MYH14: variants seen among roughly 807,000 people sequenced by gnomAD.
MYH14 encodes the protein myosin-14.
Under a neutral mutation model 255.5 loss-of-function variants are expected in MYH14, and 123 were observed. The observed-to-expected ratio is 0.48, with a 90% CI of 0.42 to 0.56. MYH14 has a LOEUF of 0.56. Ranked by LOEUF, MYH14 falls within the 20% of genes least tolerant of loss-of-function variation. MYH14 has a pLI of 0.00. For synonymous variants in MYH14, 1,095 were observed against 1,161.2 expected (o/e 0.94, Z 1.16); for missense variants, 2,423 against 2,802.3 (o/e 0.86, Z 3.06).
chr19:50,254,949 G>T (rs2034538367), intron 16 of MYH14, among the ~76,000 whole-genome samples: 1 of 152,212 alleles, frequency 6.6e-6, no homozygotes, highest in Non-Finnish European at 1.5e-5. Flanking sequence ...CCTCTAGAGG[G>T]AGAGATTTTT....
chr19:50,244,349 G>T lies in MYH14; in HGVS notation c.1210+12G>T. The stretch of plus-strand genomic sequence containing the variant: ...GCCTGACAACACAGGTACTGCCCCC[G>T]GCCTGCCTGCCCACGACCTCCAGCC... On this transcript the variant is annotated intron_variant, in intron 11 of 42. Coordinates refer to ENST00000642316, the MANE Select transcript of MYH14 (RefSeq NM_001145809.2). The T allele has an allele frequency of 1.9e-6, 3 of 1,611,658 alleles. No homozygotes were observed. The highest frequency in any genetic ancestry group is 2.5e-6 in the Non-Finnish European group (3 of 1,179,108).
chr19:50,236,601 G>A (rs1242889975), intron 10 of MYH14, among the ~76,000 whole-genome samples: 2 of 151,860 alleles, frequency 1.3e-5, no homozygotes, highest in Admixed American at 1.3e-4. Context: ...CCAGCTACTC[G>A]GGAGGTTGAG....
At position 50,286,709 on chromosome 19, in the gene MYH14, C is replaced by T. The variant is rs745696035; in HGVS notation, c.4752+15C>T. The T allele has an allele frequency of 1.2e-5, 19 of 1,558,182 alleles. No individual in the cohort carries two copies. The highest frequency in any genetic ancestry group is 1.4e-5 in the Non-Finnish European group (16 of 1,151,994). On this transcript the variant is annotated intron_variant, in intron 34 of 42. Transcript: ENST00000642316. The stretch of plus-strand genomic sequence containing the variant: ...TCGGCAAGAGCGTGAGCAGGGCCCC[C>T]GCTCCCCGGGACACACTGGGTGAGG...
Position 50,244,468 on chromosome 19 carries a change from T to C in MYH14, c.1210+131T>C, listed in dbSNP as rs1187566950. The C allele has an allele frequency of 1.4e-5, 9 of 664,948 alleles. No homozygotes were observed. The African/African-American group carries it at 1.7e-4, about 13-fold the overall frequency. 41.2% of individuals were successfully genotyped at this position (664,948 alleles called of 1,614,324 possible). ...ACCTGTCTCCAACCCAGGATCACTC[T>C]GATTTCCTGCATTTTTTTTTTTTTT... On this transcript the variant is annotated intron_variant, in intron 11 of 42. Transcript: ENST00000642316.
At chr19:50,272,053 C>T in intron 26 of MYH14, 81 bp downstream of exon 26, 1 of 1,540,554 alleles carries the variant, frequency 6.5e-7, no homozygotes, top group East Asian at 2.4e-5. Flanking sequence ...TACAGGGCCT[C>T]AGTGGCTGTG....
chr19:50,249,336 C>T, intron 13 of MYH14, 197 bp downstream of exon 13: 1 of 654,712 alleles, frequency 1.5e-6, no homozygotes, highest in Non-Finnish European at 2.5e-6. Flanking sequence ...GTCCCCTTCT[C>T]TCTCTGGGTC....
At chr19:50,229,892 CAACTCATCCAGGGTCG>C (rs1440193214) in intron 8 of MYH14, among the ~76,000 whole-genome samples, 1 of 152,092 alleles carries the variant, frequency 6.6e-6, no homozygotes, top group Non-Finnish European at 1.5e-5. Flanking sequence ...ATCTTCACAG[CAACTCATCCAGGGTCG>C]ATGAGGTTTC....
chr19:50,249,419 C>T, intron 13 of MYH14: 1 of 628,400 alleles, frequency 1.6e-6, no homozygotes, highest in Admixed American at 2.9e-5. Context: ...CATCTCTGTC[C>T]CCTGTCTCTG....
chr19:50,269,731 T>G (rs2035225574), intron 24 of MYH14, among the ~76,000 whole-genome samples: 1 of 152,156 alleles, frequency 6.6e-6, no homozygotes, highest in South Asian at 2.1e-4. Flanking sequence ...GTGTTTGGTT[T>G]GTTTCAGTAA....
chr19:50,291,184 TA>T, intron 36 of MYH14, 136 bp downstream of exon 36: 1 of 647,820 alleles, frequency 1.5e-6, no homozygotes, highest in East Asian at 3.3e-5. Context: ...AGCACCTTTA[TA>T]AACATCCATG....
chr19:50,287,426 T>C (rs1455429795), intron 34 of MYH14, among the ~76,000 whole-genome samples: 1 of 152,244 alleles, frequency 6.6e-6, no homozygotes, highest in African/African-American at 2.4e-5. Flanking sequence ...TTTTGTTTTA[T>C]TTTTGAGATA....
rs779829900 is a variant in MYH14, at chr19:50,230,632, C to T, written c.973+9C>T. On this transcript the variant is annotated intron_variant, in intron 9 of 42. Coordinates refer to ENST00000642316, the MANE Select transcript of MYH14 (RefSeq NM_001145809.2). The surrounding 1 kb of genome is among the most constrained non-coding windows in gnomAD (Gnocchi z 4.7). The stretch of plus-strand genomic sequence containing the variant: ...TGGAGAGCAGCTCAAAGGTCAGTGC[C>T]GCCCCGTCCTACCCTGCTCACCCGG... 6 of 1,555,260 alleles carry T rather than the reference C, an allele frequency of 3.9e-6. No homozygotes were observed. The highest frequency in any genetic ancestry group is 2.6e-6 in the Non-Finnish European group (3 of 1,149,394).
intron 39 of MYH14, among the ~76,000 whole-genome samples, chr19:50,295,975 A>G (rs6509462): frequency 0.67 from 101,995 of 151,800 alleles, 36,511 homozygotes; most frequent in East Asian, 0.99. Flanking sequence ...GCCAGGCGTG[A>G]TGGCGGGCAC....
chr19:50,204,899 T>C (rs2031646324), intron 1 of MYH14, among the ~76,000 whole-genome samples: 1 of 144,398 alleles, frequency 6.9e-6, no homozygotes, highest in African/African-American at 2.6e-5. Flanking sequence ...TGTCTCTCCC[T>C]CTTTTTTTTT....
At chr19:50,308,584 TG>T in intron 41 of MYH14, 2 of 167,518 alleles carry the variant, frequency 1.2e-5, no homozygotes, top group Non-Finnish European at 2.6e-5. Context: ...AAGAGAGAGG[TG>T]GTAGGGTCTG....
chr19:50,270,825 G>A (rs1044513582), intron 24 of MYH14, among the ~76,000 whole-genome samples: 2 of 151,950 alleles, frequency 1.3e-5, no homozygotes, highest in Admixed American at 6.5e-5. Context: ...CTCCAGAGTA[G>A]CTGGGACTAC....
In MYH14 at chr19:50,230,406, A is replaced by C; in HGVS notation, c.875-119A>C. On this transcript the variant is annotated intron_variant, in intron 8 of 42. Transcript: ENST00000642316. The surrounding 1 kb of genome is among the most constrained non-coding windows in gnomAD (Gnocchi z 4.7). The stretch of plus-strand genomic sequence containing the variant: ...GGCAAAGTCACCAGCCTGGGCTGTG[A>C]GCGACTCCACTACACCACAGGAGAG... The C allele has an allele frequency of 1.2e-6, 1 of 861,468 alleles. No individual in the cohort carries two copies. The highest frequency in any genetic ancestry group is 1.5e-5 in the South Asian group (1 of 67,082). The allele number at this position is 861,468 out of a possible 1,614,324, so 53.4% of individuals were successfully genotyped here.
At chr19:50,207,243 G>GAGAGAGAGAGAA (rs1288509761) in intron 1 of MYH14, among the ~76,000 whole-genome samples, 3 of 133,316 alleles carry the variant, frequency 2.3e-5, no homozygotes, top group African/African-American at 8.6e-5. Flanking sequence ...AAAAAAGAGA[G>GAGAGAGAGAGAA]AGAGAGAGAG....
At chr19:50,282,179 C>T (rs1021411950) in intron 33 of MYH14, among the ~76,000 whole-genome samples, 7 of 152,174 alleles carry the variant, frequency 4.6e-5, no homozygotes, top group Admixed American at 1.3e-4. Context: ...TGCTGATTCA[C>T]GGGGTACCTC....
Sources: allele counts gnomAD v4.1 joint callset (sites outside exome capture counted in the v4.1 genomes callset), GRCh38; gene constraint gnomAD v4.1.1; non-coding constraint Gnocchi (gnomAD v3.1); transcripts MANE v1.5; gene names NCBI Gene and HGNC (gene_info 2026-07-23, HGNC 2026-07-21).